Variants in OSTM1 observed in about 807,000 individuals in gnomAD.
The protein encoded by OSTM1 is osteoclastogenesis associated transmembrane protein 1, also known as osteopetrosis-associated transmembrane protein 1.
Under a neutral mutation model 35.4 loss-of-function variants are expected in OSTM1, and 26 were observed. The observed-to-expected ratio is 0.73, with a 90% CI of 0.54 to 1.02. OSTM1 has a LOEUF of 1.02. OSTM1 is among the 50% of genes least tolerant of loss of function. OSTM1 has a pLI of 0.00. For missense variants in OSTM1, 366 were observed against 409.6 expected (o/e 0.89, Z 0.92); for synonymous variants, 181 against 165.0 (o/e 1.10, Z -0.75).
chr6:108,068,759 C>A (rs968104429), intron 1 of OSTM1, among the ~76,000 whole-genome samples: 63 of 152,114 alleles, frequency 4.1e-4, no homozygotes, highest in African/African-American at 1.5e-3. Flanking sequence ...GCCAGCATAG[C>A]CTTTTAAAGT....
At chr6:108,048,299 C>CT (rs1187300266) in intron 5 of OSTM1, among the ~76,000 whole-genome samples, 3 of 152,156 alleles carry the variant, frequency 2.0e-5, no homozygotes, top group African/African-American at 7.2e-5. Flanking sequence ...AAACAGTTCT[C>CT]TTTTTTAAAA....
intron 3 of OSTM1, among the ~76,000 whole-genome samples, chr6:108,051,861 T>C (rs894821918): frequency 3.9e-5 from 6 of 152,258 alleles, no homozygotes; most frequent in African/African-American, 1.4e-4. Context: ...TTTGTACTTC[T>C]AGACTGACAC....
chr6:108,052,325 T>C (rs953175149), intron 3 of OSTM1, among the ~76,000 whole-genome samples: 3 of 150,966 alleles, frequency 2.0e-5, no homozygotes, highest in African/African-American at 4.9e-5. Context: ...CCCAGCTACT[T>C]GGGAGGCTGA....
At chr6:108,066,282 A>T (rs1462981260) in intron 1 of OSTM1, among the ~76,000 whole-genome samples, 1 of 152,218 alleles carries the variant, frequency 6.6e-6, no homozygotes, top group Non-Finnish European at 1.5e-5. Flanking sequence ...GTATAATGAA[A>T]GGATGATGGC....
At chr6:108,047,399 T>C (rs1771995786) in intron 5 of OSTM1, among the ~76,000 whole-genome samples, 2 of 152,246 alleles carry the variant, frequency 1.3e-5, no homozygotes, top group Admixed American at 6.5e-5. Flanking sequence ...AAGGTGGCTA[T>C]GGGCCAGGTC....
At position 108,074,707 on chromosome 6, in the gene OSTM1, A is replaced by T; in HGVS notation, c.-56T>A. 6.9e-7 allele frequency: 1 copy of T among 1,448,032 alleles called. No individual in the cohort carries two copies. Among genetic ancestry groups the T allele is most frequent in the East Asian group, 2.8e-5 (1 of 35,450 alleles). The allele number at this position is 1,448,032 out of a possible 1,614,324, so 89.7% of individuals were successfully genotyped here. On this transcript the variant is annotated 5_prime_UTR_variant, in exon 1 of 6. Transcript: ENST00000193322. ...CGCCGCCTCTCCGCCCCCAGCCGGC[A>T]CCGCGGACAGCCGCCGCTTCCGGTT...
At chr6:108,067,708 T>G (rs1290416486) in intron 1 of OSTM1, among the ~76,000 whole-genome samples, 1 of 151,164 alleles carries the variant, frequency 6.6e-6, no homozygotes, top group Non-Finnish European at 1.5e-5. Flanking sequence ...TGCACACCCA[T>G]AGTCCCAGCT....
intron 4 of OSTM1, 129 bp from the exon 5 acceptor site, chr6:108,049,547 G>C: frequency 1.3e-6 from 2 of 1,482,888 alleles, no homozygotes; most frequent in East Asian, 5.0e-5. Context: ...AAAACCTACT[G>C]ATAGTTGAGG....
In OSTM1 at chr6:108,043,566, A is replaced by G. The variant is rs1771908950; in HGVS notation, c.*1219T>C. On this transcript the variant is annotated 3_prime_UTR_variant, in exon 6 of 6. Coordinates refer to ENST00000193322, the MANE Select transcript of OSTM1 (RefSeq NM_014028.4). ...CCACCAAAAAAGCAAGAAGAAATTAATAAATGAAATCCTGAACTCTAAAAA... is the reference window on the plus strand; with the variant it reads ...CCACCAAAAAAGCAAGAAGAAATTAGTAAATGAAATCCTGAACTCTAAAAA... 1 of 152,256 alleles carries G rather than the reference A, an allele frequency of 6.6e-6. No homozygotes were observed. The highest frequency in any genetic ancestry group is 2.4e-5 in the African/African-American group (1 of 41,476). 9.4% of individuals were successfully genotyped at this position (152,256 alleles called of 1,614,324 possible). A position where few individuals can be genotyped will look rare whatever the true frequency, so the allele number is the denominator to read the frequency against.
intron 4 of OSTM1, among the ~76,000 whole-genome samples, chr6:108,050,079 A>C (rs1772048027): frequency 6.6e-6 from 1 of 152,216 alleles, no homozygotes; most frequent in Non-Finnish European, 1.5e-5. Flanking sequence ...GGCAGGCTAT[A>C]AAATGGAGAA....
intron 1 of OSTM1, among the ~76,000 whole-genome samples, chr6:108,070,274 A>G (rs1343458925): frequency 2.0e-5 from 3 of 152,034 alleles, no homozygotes; most frequent in African/African-American, 7.2e-5. Flanking sequence ...CCTGGCCTCA[A>G]GCGATCCACC....
intron 1 of OSTM1, among the ~76,000 whole-genome samples, chr6:108,067,761 G>A (rs1772404097): frequency 6.6e-6 from 1 of 150,604 alleles, no homozygotes; most frequent in Non-Finnish European, 1.5e-5. Flanking sequence ...ACCTGGGATG[G>A]TGGAGGTTGC....
intron 3 of OSTM1, among the ~76,000 whole-genome samples, chr6:108,052,284 T>G (rs1192593906): frequency 6.6e-6 from 1 of 151,934 alleles, no homozygotes; most frequent in Admixed American, 6.6e-5. Context: ...AATACAAAAC[T>G]TAGCCGGGCG....
chr6:108,058,073 AG>A (rs1415848239), intron 2 of OSTM1, among the ~76,000 whole-genome samples: 2 of 145,166 alleles, frequency 1.4e-5, no homozygotes, highest in African/African-American at 5.2e-5. Flanking sequence ...TTTCTGAGAC[AG>A]AAGAATCTCA....
chr6:108,055,721 A>C (rs760213238), intron 2 of OSTM1, among the ~76,000 whole-genome samples: 25 of 152,192 alleles, frequency 1.6e-4, no homozygotes, highest in Non-Finnish European at 3.2e-4. Context: ...TGGTTACAGA[A>C]TACTACTACA....
rs1461920774 is a variant in OSTM1 at position 108,042,930 on chromosome 6, AAT to A, written c.*1853_*1854del. The stretch of plus-strand genomic sequence containing the variant: ...TTCAGTACTATGCAAATCATTTTTC[AAT>A]ATGACAAAATGAAAAACTTACACAC... On this transcript the variant is annotated 3_prime_UTR_variant, in exon 6 of 6. Coordinates refer to ENST00000193322, the MANE Select transcript of OSTM1 (RefSeq NM_014028.4). The A allele has an allele frequency of 6.6e-6, 1 of 152,210 alleles. No homozygotes were observed. Among genetic ancestry groups the A allele is most frequent in the African/African-American group, 2.4e-5 (1 of 41,442 alleles). 9.4% of individuals were successfully genotyped at this position (152,210 alleles called of 1,614,324 possible). A position where few individuals can be genotyped will look rare whatever the true frequency, so the allele number is the denominator to read the frequency against.
intron 1 of OSTM1, among the ~76,000 whole-genome samples, chr6:108,067,744 C>T (rs1176043426): frequency 6.9e-6 from 1 of 144,830 alleles, no homozygotes; most frequent in African/African-American, 2.6e-5. Context: ...GCTGGAGAAT[C>T]GCTTGAACCT....
chr6:108,074,319 G>A lies in OSTM1; in HGVS notation c.333C>T (p.Leu111=), dbSNP rs767465528. Residue 111 remains leucine (L), a synonymous_variant, in exon 1 of 6, where the codon CTC becomes CTT. Coordinates refer to ENST00000193322, the MANE Select transcript of OSTM1 (RefSeq NM_014028.4). ...CLVRSARPVR[L]CQTCYPLFQQ... ...GGAAGAGGGGGTAGCAGGTCTGACA[G>A]AGGCGCACGGGCCGGGCGCTGCGCA... 1.2e-6 allele frequency: 2 copies of A among 1,612,024 alleles called. No individual in the cohort carries two copies. Among genetic ancestry groups the A allele is most frequent in the South Asian group, 1.1e-5 (1 of 90,916 alleles).
At chr6:108,065,911 T>A (rs985206019) in intron 1 of OSTM1, among the ~76,000 whole-genome samples, 9 of 152,148 alleles carry the variant, frequency 5.9e-5, no homozygotes, top group Non-Finnish European at 1.3e-4. Context: ...CAGGAAGATA[T>A]CAATGTAGTT....
Sources: gnomAD v4.1 joint callset for allele counts (sites outside exome capture counted in the v4.1 genomes callset) on GRCh38, gnomAD v4.1.1 for gene constraint, MANE v1.5 for transcripts, NCBI Gene and HGNC (gene_info 2026-07-23, HGNC 2026-07-21) for gene names.